The following MTHFD1L variants were observed in gnomAD, a reference collection of about 807,000 sequenced individuals.
MTHFD1L encodes monofunctional C1-tetrahydrofolate synthase, mitochondrial.
In MTHFD1L, 81 loss-of-function variants were observed where a neutral mutation model predicts 119.5. The ratio of observed to expected loss-of-function variants is 0.68; its 90% CI spans 0.57 to 0.82. The LOEUF is 0.82. Among genes scored for constraint, MTHFD1L ranks in the 40% least tolerant of loss-of-function variants. The probability of loss-of-function intolerance (pLI) is 0.00; values close to 1 mark genes in which losing one functional copy is unlikely to be tolerated. For synonymous variants in MTHFD1L, 430 were observed against 475.2 expected (o/e 0.90, Z 1.24); for missense variants, 1,125 against 1,253.4 (o/e 0.90, Z 1.55).
At chr6:150,888,207 TAATAC>T (rs1015642033) in intron 7 of MTHFD1L, among the ~76,000 whole-genome samples, 1 of 152,332 alleles carries the variant, frequency 6.6e-6, no homozygotes, top group African/African-American at 2.4e-5. Context: ...CAGATCATTC[TAATAC>T]AATCCTTTTC....
At position 150,913,093 on chromosome 6, in the gene MTHFD1L, C is replaced by T. The variant is rs368644000; in HGVS notation, c.893-5484C>T. The T allele has an allele frequency of 1.5e-3, 228 of 154,220 alleles. 1 individual carries two copies. The highest frequency in any genetic ancestry group is 2.7e-3 in the Non-Finnish European group (184 of 69,366). 9.6% of individuals were successfully genotyped at this position (154,220 alleles called of 1,614,324 possible). On this transcript the variant is annotated intron_variant, in intron 8 of 27. Coordinates refer to ENST00000367321, the MANE Select transcript of MTHFD1L (RefSeq NM_015440.5). Reference sequence around the variant, plus strand: ...GGCGCAACTGCAGGCCCACTGCATCCTGAGCTCAAGCGATCCTCCTGCCCC... The same window carrying T: ...GGCGCAACTGCAGGCCCACTGCATCTTGAGCTCAAGCGATCCTCCTGCCCC...
chr6:151,026,227 G>T (rs1784586815), intron 24 of MTHFD1L, among the ~76,000 whole-genome samples: 1 of 152,178 alleles, frequency 6.6e-6, no homozygotes, highest in Non-Finnish European at 1.5e-5. Flanking sequence ...CCTACAAAAT[G>T]AATTTAATAA....
intron 24 of MTHFD1L, among the ~76,000 whole-genome samples, chr6:151,019,426 T>C (rs1253950732): frequency 6.6e-6 from 1 of 151,410 alleles, no homozygotes; most frequent in Non-Finnish European, 1.5e-5. Context: ...ATGAACCCTT[T>C]TCCTTTCCAC....
chr6:150,876,143 C>A lies in MTHFD1L; in HGVS notation c.281C>A (p.Pro94His). 6.2e-7 allele frequency: 1 copy of A among 1,604,012 alleles called. No individual in the cohort carries two copies. Among genetic ancestry groups the A allele is most frequent in the Non-Finnish European group, 8.5e-7 (1 of 1,175,192 alleles). Residue 94 changes from proline (P) to histidine (H), a missense_variant, in exon 2 of 28, where the codon CCT (proline) becomes CAT (histidine). Transcript: ENST00000367321. ...CTAAGTTTATTGCAAGAAAAAAACC[C>A]TGCCTTCAAGCCGGTTCTTGCAATT... ...EVLSLLQEKN[P>H]AFKPVLAIIQ... is the part of the protein sequence containing the mutation.
At chr6:150,979,627 A>G (rs917725995) in intron 20 of MTHFD1L, among the ~76,000 whole-genome samples, 1 of 152,012 alleles carries the variant, frequency 6.6e-6, no homozygotes, top group African/African-American at 2.4e-5. Context: ...TAGCCTCCCA[A>G]GTAGCTGGGA....
rs749765442 is a variant in MTHFD1L, at chr6:150,876,224, T to G, written c.312+50T>G. 12 of 1,380,710 alleles carry G rather than the reference T, an allele frequency of 8.7e-6. No homozygotes were observed. The East Asian group carries it at 2.9e-4, about 33-fold the overall frequency. 85.5% of individuals were successfully genotyped at this position (1,380,710 alleles called of 1,614,324 possible). On this transcript the variant is annotated intron_variant, in intron 2 of 27. Transcript: ENST00000367321. ...CTACTATTTTAGGATGCCTTTCAAT[T>G]TAGAAAATGATTGTATACAAAAGAG...
At chr6:150,923,509 C>CTTTTTTTATTTATTTA (rs1789367898) in intron 10 of MTHFD1L, among the ~76,000 whole-genome samples, 1 of 118,044 alleles carries the variant, frequency 8.5e-6, no homozygotes, top group African/African-American at 3.4e-5. Context: ...GTAACTGACA[C>CTTTTTTTATTTATTTA]TTTATTTATT....
intron 26 of MTHFD1L, among the ~76,000 whole-genome samples, chr6:151,074,445 A>T (rs1461002393): frequency 9.9e-5 from 15 of 152,260 alleles, no homozygotes; most frequent in Non-Finnish European, 2.2e-4. Context: ...AGCTAAATAT[A>T]TGGCAACAAT....
chr6:150,976,382 AC>A (rs1271748251), intron 20 of MTHFD1L, among the ~76,000 whole-genome samples: 1 of 151,970 alleles, frequency 6.6e-6, no homozygotes, highest in Non-Finnish European at 1.5e-5. Flanking sequence ...TGCTTTGCAA[AC>A]CCTCCCAGGT....
At chr6:151,088,622 A>G (rs77973843) in intron 26 of MTHFD1L, among the ~76,000 whole-genome samples, 1 of 97,310 alleles carries the variant, frequency 1.0e-5, no homozygotes, top group Non-Finnish European at 2.2e-5. Context: ...ACACCCAGCT[A>G]ATTTTTTTTT....
chr6:150,960,559 G>A, intron 18 of MTHFD1L, 144 bp downstream of exon 18: 1 of 1,163,324 alleles, frequency 8.6e-7, no homozygotes, highest in Non-Finnish European at 1.2e-6. Flanking sequence ...TCCCCGACAA[G>A]CATGTTTGCC....
intron 20 of MTHFD1L, among the ~76,000 whole-genome samples, chr6:150,993,669 A>G (rs974522541): frequency 6.6e-6 from 1 of 152,218 alleles, no homozygotes; most frequent in East Asian, 1.9e-4. Flanking sequence ...ATTCCTGCAC[A>G]TAGATCTTGT....
chr6:150,877,814 C>T lies in MTHFD1L; in HGVS notation c.405C>T (p.Ser135=), dbSNP rs748974915. The change falls in exon 4 of 28, where the codon AGC becomes AGT. Residue 135 remains serine (S), a synonymous_variant. Coordinates refer to ENST00000367321, the MANE Select transcript of MTHFD1L (RefSeq NM_015440.5). ...CTCACATTTGCCTCCCTCCAGATAG[C>T]AGTGAAGCCGAGGTAATAATGGCAG... ...NITHICLPPD[S]SEAEIIDEIL... is the part of the protein sequence containing the mutation. The T allele has an allele frequency of 6.2e-7, 1 of 1,614,222 alleles. No individual in the cohort carries two copies. Among genetic ancestry groups the T allele is most frequent in the Non-Finnish European group, 8.5e-7 (1 of 1,180,044 alleles).
chr6:150,941,899 G>A (rs56193101), intron 13 of MTHFD1L, among the ~76,000 whole-genome samples: 4,377 of 152,214 alleles, frequency 0.029, 87 homozygotes, highest in Non-Finnish European at 0.042. Context: ...TAGAAACATC[G>A]AAAAAGAAAT....
intron 7 of MTHFD1L, among the ~76,000 whole-genome samples, chr6:150,902,410 C>A (rs1313327868): frequency 6.6e-6 from 1 of 152,150 alleles, no homozygotes; most frequent in Non-Finnish European, 1.5e-5. Flanking sequence ...GCAGAGAAAG[C>A]AATAATTTGT....
chr6:151,072,120 C>T (rs1792013776), intron 26 of MTHFD1L, among the ~76,000 whole-genome samples: 1 of 152,122 alleles, frequency 6.6e-6, no homozygotes, highest in Admixed American at 6.5e-5. Flanking sequence ...TGAGCCACCA[C>T]GCCCGGCTAG....
chr6:150,869,266 G>A (rs767416051), intron 1 of MTHFD1L, among the ~76,000 whole-genome samples: 5 of 151,988 alleles, frequency 3.3e-5, no homozygotes, highest in African/African-American at 7.2e-5. Flanking sequence ...CCATCAACCC[G>A]TCATCTAGGT....
chr6:151,009,191 A>T (rs563764441), intron 20 of MTHFD1L, among the ~76,000 whole-genome samples: 37 of 152,102 alleles, frequency 2.4e-4, no homozygotes, highest in African/African-American at 8.2e-4. Context: ...TGCCTTTTGA[A>T]ACAATTTGGA....
intron 8 of MTHFD1L, among the ~76,000 whole-genome samples, chr6:150,910,585 G>T (rs1482931782): frequency 6.6e-6 from 1 of 151,436 alleles, no homozygotes; most frequent in African/African-American, 2.4e-5. Context: ...ATTCTTAATT[G>T]CATTGCACTT....
Sources: gnomAD v4.1 joint callset for allele counts (sites outside exome capture counted in the v4.1 genomes callset) on GRCh38, gnomAD v4.1.1 for gene constraint, MANE v1.5 for transcripts, NCBI Gene and HGNC (gene_info 2026-07-23, HGNC 2026-07-21) for gene names.